Variants in KHDRBS2 observed in about 807,000 individuals in gnomAD.
The protein encoded by KHDRBS2 is KH domain-containing, RNA-binding, signal transduction-associated protein 2.
KHDRBS2 carries 26 observed loss-of-function variants against 44.3 expected under a neutral mutation model. The observed-to-expected ratio is 0.59, with a 90% confidence interval of 0.43 to 0.81. The LOEUF (loss-of-function observed/expected upper bound fraction) is 0.81, where lower values mean the gene tolerates loss of function less well. Among genes scored for constraint, KHDRBS2 ranks in the 40% least tolerant of loss-of-function variants. KHDRBS2 has a pLI of 0.00. For synonymous variants in KHDRBS2, 194 were observed against 151.1 expected (o/e 1.28, Z -2.08); for missense variants, 476 against 433.1 (o/e 1.10, Z -0.88).
intron 7 of KHDRBS2, among the ~76,000 whole-genome samples, chr6:61,725,962 T>A (rs534631396): frequency 1.3e-5 from 2 of 152,212 alleles, no homozygotes; most frequent in East Asian, 3.9e-4. Flanking sequence ...GCTGGCATCA[T>A]CCTGATGCCA....
At chr6:61,637,956 G>A in the KHDRBS2 span, among the ~76,000 whole-genome samples, 1 of 151,932 alleles carries the variant, frequency 6.6e-6, no homozygotes, top group Non-Finnish European at 1.5e-5. Flanking sequence ...TGAGTAGGTT[G>A]CGAAAATTTT....
At chr6:61,827,362 G>C (rs1340089990) in intron 6 of KHDRBS2, among the ~76,000 whole-genome samples, 1 of 152,172 alleles carries the variant, frequency 6.6e-6, no homozygotes, top group Non-Finnish European at 1.5e-5. Flanking sequence ...TTTGGGGAAG[G>C]AGAAGAAGTC....
At chr6:61,696,998 T>C (rs1767978963) in intron 8 of KHDRBS2, among the ~76,000 whole-genome samples, 197 bp downstream of exon 8, 1 of 152,178 alleles carries the variant, frequency 6.6e-6, no homozygotes, top group Non-Finnish European at 1.5e-5. Context: ...TTAATTGCTT[T>C]TAAAATTTTG....
intron 1 of KHDRBS2, among the ~76,000 whole-genome samples, chr6:62,228,545 G>A (rs1832322211): frequency 6.6e-6 from 1 of 151,984 alleles, no homozygotes; most frequent in Admixed American, 6.6e-5. Flanking sequence ...GCTCTGCTCT[G>A]ATCTTAGTTA....
intron 4 of KHDRBS2, among the ~76,000 whole-genome samples, chr6:61,956,184 C>T (rs1201191538): frequency 3.3e-5 from 5 of 151,000 alleles, no homozygotes; most frequent in African/African-American, 9.9e-5. Context: ...CAGAGCAAGA[C>T]TCCTTGTCAA....
chr6:62,259,608 AT>A, intron 1 of KHDRBS2, among the ~76,000 whole-genome samples: 1 of 152,122 alleles, frequency 6.6e-6, no homozygotes, highest in Admixed American at 6.6e-5. Context: ...ATTCACTGAA[AT>A]AAAAATCATA....
At chr6:62,095,579 T>G (rs1800411035) in intron 2 of KHDRBS2, among the ~76,000 whole-genome samples, 1 of 151,866 alleles carries the variant, frequency 6.6e-6, no homozygotes, top group African/African-American at 2.4e-5. Flanking sequence ...GTTTTCACAA[T>G]GAAGAAATCA....
chr6:61,561,562 A>G, the KHDRBS2 span, among the ~76,000 whole-genome samples: 1 of 152,148 alleles, frequency 6.6e-6, no homozygotes, highest in Non-Finnish European at 1.5e-5. Flanking sequence ...AAACCACAAG[A>G]TGAATTTCTT....
intron 2 of KHDRBS2, among the ~76,000 whole-genome samples, chr6:62,158,984 C>T (rs930396646): frequency 6.6e-6 from 1 of 152,054 alleles, no homozygotes; most frequent in African/African-American, 2.4e-5. Context: ...CCAGTGATAG[C>T]AGCTTTTTCA....
At chr6:61,935,020 G>A (rs1255455796) in intron 4 of KHDRBS2, among the ~76,000 whole-genome samples, 1 of 152,148 alleles carries the variant, frequency 6.6e-6, no homozygotes, top group African/African-American at 2.4e-5. Context: ...CATTTGAGGT[G>A]CTCTGAATTT....
At chr6:61,649,684 C>T in the KHDRBS2 span, among the ~76,000 whole-genome samples, 1 of 152,084 alleles carries the variant, frequency 6.6e-6, no homozygotes, top group Non-Finnish European at 1.5e-5. Flanking sequence ...ATACATAATT[C>T]CTCCATTTCC....
At chr6:61,976,002 T>A (rs1295502447) in intron 4 of KHDRBS2, among the ~76,000 whole-genome samples, 1 of 152,152 alleles carries the variant, frequency 6.6e-6, no homozygotes, top group Non-Finnish European at 1.5e-5. Context: ...AAAACCAGCA[T>A]GTCTGAAGTG....
chr6:62,280,933 T>A (rs1374572996), intron 1 of KHDRBS2, among the ~76,000 whole-genome samples: 1 of 152,082 alleles, frequency 6.6e-6, no homozygotes, highest in African/African-American at 2.4e-5. Flanking sequence ...GCTATGGAAG[T>A]TTTTAGGTGG....
chr6:61,957,026 A>G (rs1421342752), intron 4 of KHDRBS2, among the ~76,000 whole-genome samples: 1 of 152,144 alleles, frequency 6.6e-6, no homozygotes, highest in Admixed American at 6.6e-5. Context: ...TTTCATGAAC[A>G]TTTATTAGTT....
the KHDRBS2 span, among the ~76,000 whole-genome samples, chr6:61,557,141 G>T: frequency 6.6e-6 from 1 of 152,072 alleles, no homozygotes; most frequent in Non-Finnish European, 1.5e-5. Context: ...GCTGCAGTTA[G>T]AAGTCCACTG....
At chr6:62,067,267 A>G (rs570169863) in intron 2 of KHDRBS2, among the ~76,000 whole-genome samples, 20 of 151,704 alleles carry the variant, frequency 1.3e-4, no homozygotes, top group African/African-American at 4.8e-4. Context: ...AGTTTTTCTT[A>G]ATACCCACTT....
chr6:61,651,306 C>T, the KHDRBS2 span, among the ~76,000 whole-genome samples: 115 of 151,928 alleles, frequency 7.6e-4, no homozygotes, highest in African/African-American at 2.7e-3. Context: ...TAGATACTTG[C>T]TACATAATGA....
intron 7 of KHDRBS2, among the ~76,000 whole-genome samples, chr6:61,725,641 G>A (rs537701227): frequency 7.2e-4 from 109 of 151,922 alleles, no homozygotes; most frequent in South Asian, 2.3e-3. Flanking sequence ...AAATACAAAC[G>A]ACCATCAGAG....
At chr6:62,025,888 T>G (rs555881257) in intron 3 of KHDRBS2, among the ~76,000 whole-genome samples, 2 of 152,234 alleles carry the variant, frequency 1.3e-5, no homozygotes, top group East Asian at 3.9e-4. Flanking sequence ...TAATTACATC[T>G]AAAGGCTCGA....
Sources: gnomAD v4.1 joint callset for allele counts (sites outside exome capture counted in the v4.1 genomes callset) on GRCh38, gnomAD v4.1.1 for gene constraint, MANE v1.5 for transcripts, NCBI Gene and HGNC (gene_info 2026-07-23, HGNC 2026-07-21) for gene names.